The following AVPI1 variants were observed in gnomAD, a reference collection of about 807,000 sequenced individuals.
AVPI1 encodes the protein arginine vasopressin induced 1, also known as arginine vasopressin-induced protein 1.
Under a neutral mutation model 11.9 loss-of-function variants are expected in AVPI1, and 9 were observed. That is an observed-to-expected ratio of 0.76 (90% CI 0.46 to 1.32). The LOEUF is 1.32. Among genes scored for constraint, AVPI1 ranks in the 40% most tolerant of loss-of-function variants. The pLI, the probability that AVPI1 is intolerant of heterozygous loss-of-function variation, is 0.00. For missense variants in AVPI1, 207 were observed against 195.8 expected, an observed-to-expected ratio of 1.06 and a Z score of -0.34; for synonymous variants, 68 against 78.1, an observed-to-expected ratio of 0.87 and a Z score of 0.68.
Position 97,679,854 on chromosome 10 carries a change from T to G in AVPI1, c.52A>C (p.Ile18Leu), listed in dbSNP as rs761274846. The G allele has an allele frequency of 7.5e-5, 121 of 1,602,722 alleles. No individual in the cohort carries two copies. The highest frequency in any genetic ancestry group is 9.9e-5 in the Non-Finnish European group (117 of 1,176,488). The stretch of plus-strand genomic sequence containing the variant: ...GCCTGCTTGCGGCCCCGGGCCTCAA[T>G]CGGGGCCTGCCAAGGGGGTGGCTCA... ...VSEPPPWQAP[I>L]EARGRKQASA... The change falls in exon 2 of 3, where the codon ATT becomes CTT. Residue 18 changes from isoleucine (I) to leucine (L), a missense_variant. Ile to Leu is a conservative substitution (Grantham distance 5). Coordinates refer to ENST00000370626, the MANE Select transcript of AVPI1 (RefSeq NM_021732.3).
intron 1 of AVPI1, among the ~76,000 whole-genome samples, chr10:97,681,392 G>A (rs2041702521): frequency 1.3e-5 from 2 of 152,036 alleles, no homozygotes; most frequent in South Asian, 4.1e-4. Context: ...AGACCAGCCT[G>A]ACCAACATTG....
intron 1 of AVPI1, among the ~76,000 whole-genome samples, chr10:97,681,682 C>T (rs1385333341): frequency 6.6e-6 from 1 of 150,544 alleles, no homozygotes; most frequent in African/African-American, 2.4e-5. Flanking sequence ...TAGAGACCAT[C>T]CTGGCTAACA....
At position 97,679,652 on chromosome 10, in the gene AVPI1, A is replaced by C. The variant is rs772464144; in HGVS notation, c.254T>G (p.Leu85Arg). 5 of 1,613,710 alleles carry C rather than the reference A, an allele frequency of 3.1e-6. No homozygotes were observed. In the African/African-American group the frequency reaches 4.0e-5, roughly 13 times the overall value. The change falls in exon 2 of 3, where the codon CTG becomes CGG. Residue 85 changes from leucine to arginine, a missense_variant. Coordinates refer to ENST00000370626, the MANE Select transcript of AVPI1 (RefSeq NM_021732.3). The stretch of plus-strand genomic sequence containing the variant: ...GCTGCAGTGGTGTAGCGAGTGGCCC[A>C]GGGGTTTCTGCCTTGGGGGCCTCTT... ...RRKRPPRQKP[L>R]GHSLHHCSRL...
rs773089599 is a variant in AVPI1 at position 97,679,767 on chromosome 10, C to T, written c.139G>A (p.Gly47Arg). The change falls in exon 2 of 3, where the codon GGG becomes AGG. Residue 47 changes from glycine (G) to arginine (R), a missense_variant. Gly to Arg is a moderately radical substitution (Grantham distance 125). Transcript: ENST00000370626. ...LQIQALFQRS[G>R]DQLAEERAQI... ...GCCCGTTCCTCGGCCAGCTGGTCCC[C>T]GCTGCGTTGAAACAGGGCTTGGATC... The T allele has an allele frequency of 5.0e-5, 80 of 1,613,960 alleles. No individual in the cohort carries two copies. The highest frequency in any genetic ancestry group is 6.7e-5 in the East Asian group (3 of 44,892).
chr10:97,678,919 G>T (rs2135769194), intron 2 of AVPI1, among the ~76,000 whole-genome samples: 2 of 12,500 alleles, frequency 1.6e-4, no homozygotes, highest in African/African-American at 5.4e-4. Flanking sequence ...GTGTGTGTGT[G>T]TGTGTGTGTG....
chr10:97,681,442 C>A (rs1271694903), intron 1 of AVPI1, among the ~76,000 whole-genome samples: 3 of 151,852 alleles, frequency 2.0e-5, no homozygotes, highest in Non-Finnish European at 4.4e-5. Flanking sequence ...AGTAGCCGGG[C>A]GTGGTGGCGC....
intron 1 of AVPI1, among the ~76,000 whole-genome samples, chr10:97,682,668 T>A (rs1365477511): frequency 6.6e-6 from 1 of 152,146 alleles, no homozygotes; most frequent in Non-Finnish European, 1.5e-5. Flanking sequence ...CCCAATCATT[T>A]CTATGCTCAC....
In AVPI1 at chr10:97,679,851, C is replaced by T. The variant is rs763598234; in HGVS notation, c.55G>A (p.Glu19Lys). ...SEPPPWQAPI[E>K]ARGRKQASAN... is the part of the protein sequence containing the mutation. ...GAGGCCTGCTTGCGGCCCCGGGCCT[C>T]AATCGGGGCCTGCCAAGGGGGTGGC... The change falls in exon 2 of 3, where the codon GAG (glutamate) becomes AAG (lysine). Residue 19 changes from glutamate to lysine, a missense_variant. Physicochemically the swap from Glu to Lys is moderately conservative, Grantham distance 56. Transcript: ENST00000370626. 1 of 1,603,508 alleles carries T rather than the reference C, an allele frequency of 6.2e-7. No homozygotes were observed. The highest frequency in any genetic ancestry group is 1.1e-5 in the South Asian group (1 of 89,510).
chr10:97,681,983 T>G (rs1167214731), intron 1 of AVPI1, among the ~76,000 whole-genome samples: 1 of 151,476 alleles, frequency 6.6e-6, no homozygotes, highest in South Asian at 2.1e-4. Context: ...CTACAAAACA[T>G]TCACATTGTA....
At chr10:97,686,562 G>A (rs1025089197) in intron 1 of AVPI1, among the ~76,000 whole-genome samples, 1 of 152,180 alleles carries the variant, frequency 6.6e-6, no homozygotes, top group African/African-American at 2.4e-5. Flanking sequence ...CCAGCACCCG[G>A]GCTCTCAAGC....
At position 97,677,922 on chromosome 10, in the gene AVPI1, G is replaced by A. The variant is rs537218547; in HGVS notation, c.391C>T (p.Arg131Trp). 2.1e-5 allele frequency: 34 copies of A among 1,614,132 alleles called. 1 individual carries two copies. The East Asian group carries it at 3.1e-4, about 15-fold the overall frequency. The change falls in exon 3 of 3, where the codon CGG becomes TGG. Residue 131 changes from arginine to tryptophan, a missense_variant. Transcript: ENST00000370626. ...HSRKKSARIR[R>W]NWRKSGPTSY... is the part of the protein sequence containing the mutation. ...GTGGGGCCTGACTTCCTCCAGTTCC[G>A]GCGGATCCTGGCACTTTTCTTCCTA...
chr10:97,678,957 G>C lies in AVPI1; in HGVS notation c.287+662C>G, dbSNP rs1564779938. Among the ~76,000 whole-genome samples, 138 of 48,368 alleles carry C rather than the reference G, an allele frequency of 2.9e-3. 12 individuals are homozygous for C. The highest frequency in any genetic ancestry group is 9.7e-3 in the South Asian group (10 of 1,036). The allele number at this position is 48,368 out of a possible 152,430, so 31.7% of individuals were successfully genotyped here. On this transcript the variant is annotated intron_variant, in intron 2 of 2. Coordinates refer to ENST00000370626, the MANE Select transcript of AVPI1 (RefSeq NM_021732.3). Reference sequence around the variant, plus strand: ...TGTGTGTGTGTGTGTGTGTGTGTGTGTGTGTGTGTGTGTGTGTGTGTGTGT... The same window carrying C: ...TGTGTGTGTGTGTGTGTGTGTGTGTCTGTGTGTGTGTGTGTGTGTGTGTGT...
chr10:97,682,608 C>A (rs12262510), intron 1 of AVPI1, among the ~76,000 whole-genome samples: 7 of 152,090 alleles, frequency 4.6e-5, no homozygotes, highest in East Asian at 1.9e-4. Flanking sequence ...ATGACTCCCC[C>A]CCTTGCCCTG....
intron 1 of AVPI1, among the ~76,000 whole-genome samples, 160 bp from the exon 2 acceptor site, chr10:97,680,075 C>T (rs1490352902): frequency 1.3e-5 from 2 of 152,168 alleles, no homozygotes; most frequent in Non-Finnish European, 2.9e-5. Flanking sequence ...GTGTCAGACC[C>T]CCATATTATC....
Position 97,684,543 on chromosome 10 carries a change from G to A in AVPI1, c.-11+2223C>T, listed in dbSNP as rs12266813. On this transcript the variant is annotated intron_variant, in intron 1 of 2. Transcript: ENST00000370626. ...GGCGGAGTCTCACTCTGTCACCCAC[G>A]CTGGAGTGCAGTGGCGCAATCTCAG... is the stretch of plus-strand genomic sequence containing the variant. Among the ~76,000 whole-genome samples the A allele has an allele frequency of 5.9e-3, 751 of 127,814 alleles. 11 individuals carry two copies. Among genetic ancestry groups the A allele is most frequent in the African/African-American group, 0.019 (638 of 33,168 alleles). The allele number at this position is 127,814 out of a possible 152,430, so 83.9% of individuals were successfully genotyped here.
At chr10:97,683,754 C>A (rs1029949539) in intron 1 of AVPI1, among the ~76,000 whole-genome samples, 1 of 152,226 alleles carries the variant, frequency 6.6e-6, no homozygotes, top group African/African-American at 2.4e-5. Flanking sequence ...AGAACTGCAA[C>A]CCAGCCCAGT....
chr10:97,682,046 G>C (rs987415565), intron 1 of AVPI1, among the ~76,000 whole-genome samples: 1 of 152,178 alleles, frequency 6.6e-6, no homozygotes, highest in Admixed American at 6.5e-5. Context: ...GAGGATGTGC[G>C]CAGTCTATAG....
At position 97,678,948 on chromosome 10, in the gene AVPI1, T is replaced by A. The variant is rs1564779882; in HGVS notation, c.287+671A>T. ...GTGTGTGTGTGTGTGTGTGTGTGTG[T>A]GTGTGTGTGTGTGTGTGTGTGTGTG... On this transcript the variant is annotated intron_variant, in intron 2 of 2. Transcript: ENST00000370626. 1.5e-3 allele frequency among the ~76,000 whole-genome samples: 59 copies of A among 40,014 alleles called. 9 individuals carry two copies. Among genetic ancestry groups the A allele is most frequent in the East Asian group, 0.013 (19 of 1,502 alleles). The allele number at this position is 40,014 out of a possible 152,430, so 26.3% of individuals were successfully genotyped here.
intron 1 of AVPI1, among the ~76,000 whole-genome samples, chr10:97,680,685 T>C (rs879666585): frequency 7.9e-5 from 12 of 152,214 alleles, no homozygotes; most frequent in Non-Finnish European, 1.5e-4. Flanking sequence ...AGAATAGTGG[T>C]CAGTGTTTTC....
Sources: gnomAD v4.1 joint callset for allele counts (sites outside exome capture counted in the v4.1 genomes callset) on GRCh38, gnomAD v4.1.1 for gene constraint, MANE v1.5 for transcripts, NCBI Gene and HGNC (gene_info 2026-07-23, HGNC 2026-07-21) for gene names.